The following ZNF684 variants were observed in gnomAD, a reference collection of about 807,000 sequenced individuals.
The protein encoded by ZNF684 is zinc finger protein 684.
A neutral mutation model predicts 12.8 loss-of-function variants in ZNF684; 13 were observed. That is an observed-to-expected ratio of 1.02 (90% CI 0.66 to 1.62). ZNF684 has a LOEUF of 1.62. ZNF684 is among the 40% of genes most tolerant of loss of function. ZNF684 has a pLI of 0.00. For missense variants in ZNF684, 384 were observed against 446.9 expected, an observed-to-expected ratio of 0.86 and a Z score of 1.27; for synonymous variants, 118 against 151.8, an observed-to-expected ratio of 0.78 and a Z score of 1.64.
intron 2 of ZNF684, among the ~76,000 whole-genome samples, chr1:40,533,729 C>G (rs768866062): frequency 3.9e-5 from 6 of 151,938 alleles, no homozygotes; most frequent in African/African-American, 7.3e-5. Flanking sequence ...TTTCCAGTCT[C>G]TAGCTATCCT....
chr1:40,540,560 G>T, intron 2 of ZNF684, 26 bp from the exon 3 acceptor site: 1 of 1,568,190 alleles, frequency 6.4e-7, no homozygotes, highest in South Asian at 1.2e-5. Context: ...ACACACTTTA[G>T]TTTGAAGATA....
intron 2 of ZNF684, among the ~76,000 whole-genome samples, chr1:40,536,499 A>G (rs1190226892): frequency 6.7e-6 from 1 of 149,406 alleles, no homozygotes; most frequent in African/African-American, 2.5e-5. Context: ...TAAACCTTAC[A>G]GTCTCAGTAA....
At chr1:40,532,912 A>T (rs893639911) in intron 1 of ZNF684, among the ~76,000 whole-genome samples, 6 of 152,246 alleles carry the variant, frequency 3.9e-5, no homozygotes, top group Non-Finnish European at 4.4e-5. Context: ...GGACAGAAAC[A>T]TATAACATCC....
intron 3 of ZNF684, 45 bp downstream of exon 3, chr1:40,540,757 C>G (rs1646010158): frequency 1.4e-6 from 2 of 1,441,158 alleles, no homozygotes; most frequent in Non-Finnish European, 9.2e-7. Context: ...TCAGTGTATA[C>G]TAATAGTGCT....
intron 2 of ZNF684, among the ~76,000 whole-genome samples, chr1:40,535,852 A>T (rs958419867): frequency 6.6e-6 from 1 of 152,176 alleles, no homozygotes; most frequent in African/African-American, 2.4e-5. Context: ...TTAGATTTGA[A>T]GGTCATACAG....
rs748870723 is a variant in ZNF684 at position 40,533,182 on chromosome 1, G to A, written c.15+1G>A. On this transcript the variant is annotated splice_donor_variant, in intron 2 of 4. Coordinates refer to ENST00000372699, the MANE Select transcript of ZNF684 (RefSeq NM_152373.4). LOFTEE classifies it high-confidence loss of function. ...GCTGCAGAAAATGATCAGCTTCCAGGTAAGGTATCCATCTATTCATCCAGT... is the reference window on the plus strand; with the variant it reads ...GCTGCAGAAAATGATCAGCTTCCAGATAAGGTATCCATCTATTCATCCAGT... 42 of 1,613,226 alleles carry A rather than the reference G, an allele frequency of 2.6e-5. No individual in the cohort carries two copies. The highest frequency in any genetic ancestry group is 3.4e-5 in the Non-Finnish European group (40 of 1,179,654).
At chr1:40,533,111 TTC>T in intron 1 of ZNF684, 30 bp from the exon 2 acceptor site, 1 of 1,594,734 alleles carries the variant, frequency 6.3e-7, no homozygotes, top group Non-Finnish European at 8.6e-7. Flanking sequence ...TCTCAGGTCT[TTC>T]TATTCTCTTC....
chr1:40,547,115 T>G lies in ZNF684; in HGVS notation c.792T>G (p.Ser264=). The change falls in exon 5 of 5, where the codon TCT becomes TCG. Residue 264 remains serine, a synonymous_variant. Coordinates refer to ENST00000372699, the MANE Select transcript of ZNF684 (RefSeq NM_152373.4). ...WNSSFNQHVK[S]HTLEKSFECK... ...CCTCATTTAATCAACACGTGAAATC[T>G]CATACACTTGAGAAGTCATTTGAAT... 1 of 1,614,218 alleles carries G rather than the reference T, an allele frequency of 6.2e-7. No homozygotes were observed. The highest frequency in any genetic ancestry group is 8.5e-7 in the Non-Finnish European group (1 of 1,180,034).
chr1:40,542,635 A>G (rs1646022966), intron 4 of ZNF684, among the ~76,000 whole-genome samples: 1 of 152,112 alleles, frequency 6.6e-6, no homozygotes, highest in Admixed American at 6.6e-5. Flanking sequence ...TGCCTCACCA[A>G]CTTTTCATTC....
At chr1:40,533,083 T>G (rs1570103834) in intron 1 of ZNF684, 60 bp from the exon 2 acceptor site, 1 of 1,437,010 alleles carries the variant, frequency 7.0e-7, no homozygotes, top group East Asian at 2.3e-5. Context: ...GGGTTCTACT[T>G]TGCATGCAGT....
chr1:40,536,527 T>C (rs1645986310), intron 2 of ZNF684, among the ~76,000 whole-genome samples: 1 of 151,550 alleles, frequency 6.6e-6, no homozygotes, highest in African/African-American at 2.4e-5. Context: ...TTTTTTTTTT[T>C]TATACTTTAA....
In ZNF684 at chr1:40,541,647, A is replaced by G; in HGVS notation, c.175A>G (p.Lys59Glu). 7 of 1,613,424 alleles carry G rather than the reference A, an allele frequency of 4.3e-6. No individual in the cohort carries two copies. Among genetic ancestry groups the G allele is most frequent in the Non-Finnish European group, 5.9e-6 (7 of 1,179,574 alleles). Reference protein sequence around the residue: ...CPITKTKVILKVEQGQEPWMV... With the variant: ...CPITKTKVILEVEQGQEPWMV... The stretch of plus-strand genomic sequence containing the variant: ...AATTACCAAAACAAAAGTGATCCTC[A>G]AGGTAGAGCAAGGACAAGAGCCATG... The change falls in exon 4 of 5, where the codon AAG becomes GAG. Residue 59 changes from lysine (K) to glutamate (E), a missense_variant. Coordinates refer to ENST00000372699, the MANE Select transcript of ZNF684 (RefSeq NM_152373.4).
At chr1:40,535,298 T>G (rs1451261677) in intron 2 of ZNF684, among the ~76,000 whole-genome samples, 1 of 152,238 alleles carries the variant, frequency 6.6e-6, no homozygotes. Flanking sequence ...CACAGTACAG[T>G]TGGCCCTGTG....
At position 40,546,634 on chromosome 1, in the gene ZNF684, T is replaced by G; in HGVS notation, c.311T>G (p.Leu104Trp). 1 of 1,599,942 alleles carries G rather than the reference T, an allele frequency of 6.3e-7. No individual in the cohort carries two copies. Among genetic ancestry groups the G allele is most frequent in the Non-Finnish European group, 8.5e-7 (1 of 1,175,230 alleles). The change falls in exon 5 of 5, where the codon TTG (leucine) becomes TGG (tryptophan). Residue 104 changes from leucine to tryptophan, a missense_variant. Transcript: ENST00000372699. ...AAAGACAATTTTTTGAAGTCAGTTT[T>G]GCTCACATTCAATAAAATTCTGACT... is the stretch of plus-strand genomic sequence containing the variant. Reference protein sequence around the residue: ...ESKDNFLKSVLLTFNKILTME... With the variant: ...ESKDNFLKSVWLTFNKILTME...
Position 40,547,691 on chromosome 1 carries a change from C to T in ZNF684, c.*231C>T, listed in dbSNP as rs550534566. 2 of 321,054 alleles carry T rather than the reference C, an allele frequency of 6.2e-6. No individual in the cohort carries two copies. Among genetic ancestry groups the T allele is most frequent in the Non-Finnish European group, 1.1e-5 (2 of 179,922 alleles). The allele number at this position is 321,054 out of a possible 1,614,324, so 19.9% of individuals were successfully genotyped here. A position where few individuals can be genotyped will look rare whatever the true frequency, so the allele number is the denominator to read the frequency against. On this transcript the variant is annotated 3_prime_UTR_variant, in exon 5 of 5. Transcript: ENST00000372699. ...CATAAAGCTTGGAAAGTAAGCATAACTTAAAAAATCAAAGAACCAGTGAAA... is the reference window on the plus strand; with the variant it reads ...CATAAAGCTTGGAAAGTAAGCATAATTTAAAAAATCAAAGAACCAGTGAAA...
intron 4 of ZNF684, 54 bp from the exon 5 acceptor site, chr1:40,546,508 T>C: frequency 1.4e-6 from 2 of 1,470,324 alleles, no homozygotes; most frequent in South Asian, 2.9e-5. Context: ...TTTTTCTCTA[T>C]AGCATGTTGA....
intron 1 of ZNF684, among the ~76,000 whole-genome samples, chr1:40,532,656 T>C (rs779243477): frequency 1.3e-4 from 19 of 150,888 alleles, no homozygotes; most frequent in Non-Finnish European, 2.7e-4. Context: ...AAAAAAAAAA[T>C]AAAAAAAAGT....
intron 1 of ZNF684, among the ~76,000 whole-genome samples, chr1:40,532,582 T>C (rs1408412713): frequency 6.6e-6 from 1 of 151,610 alleles, no homozygotes; most frequent in African/African-American, 2.4e-5. Context: ...TCTAAGCTCA[T>C]AGGAGATGGC....
chr1:40,536,513 C>CTT (rs199567978), intron 2 of ZNF684, among the ~76,000 whole-genome samples: 4 of 140,956 alleles, frequency 2.8e-5, no homozygotes, highest in African/African-American at 1.0e-4. Context: ...TCAGTAACAT[C>CTT]TTTTTTTTTT....
Sources: allele counts gnomAD v4.1 joint callset (sites outside exome capture counted in the v4.1 genomes callset), GRCh38; gene constraint gnomAD v4.1.1; transcripts MANE v1.5; gene names NCBI Gene and HGNC (gene_info 2026-07-23, HGNC 2026-07-21).